Variants in SCN1B observed in about 807,000 individuals in gnomAD.
SCN1B encodes the protein sodium voltage-gated channel beta subunit 1.
SCN1B carries 11 observed loss-of-function variants against 25.7 expected under a neutral mutation model. The ratio of observed to expected loss-of-function variants is 0.43; its 90% CI spans 0.27 to 0.71. SCN1B has a LOEUF of 0.71. Ranked by LOEUF, SCN1B falls within the 30% of genes least tolerant of loss-of-function variation. The pLI, the probability that SCN1B is intolerant of heterozygous loss-of-function variation, is 0.21. For missense variants in SCN1B, 224 were observed against 291.5 expected, an observed-to-expected ratio of 0.77 and a Z score of 1.69; for synonymous variants, 119 against 117.5, an observed-to-expected ratio of 1.01 and a Z score of -0.08.
At chr19:35,038,312 G>A (rs533934764) in intron 3 of SCN1B, 1 of 152,260 alleles carries the variant, frequency 6.6e-6, no homozygotes, top group Non-Finnish European at 1.5e-5. Flanking sequence ...TCCCTTTACA[G>A]TTTAAATTTA....
At chr19:35,039,286 G>A (rs781011011) in intron 4 of SCN1B, 28 bp downstream of exon 4, 27 of 1,607,854 alleles carry the variant, frequency 1.7e-5, no homozygotes, top group Non-Finnish European at 2.3e-5. Context: ...GAGGTGGGAG[G>A]GCACCCAGGG....
rs1003784441 is a variant in SCN1B, at chr19:35,039,970, C to T, written c.*179C>T. On this transcript the variant is annotated 3_prime_UTR_variant, in exon 6 of 6. Coordinates refer to ENST00000262631, the MANE Select transcript of SCN1B (RefSeq NM_001037.5). Reference sequence around the variant, plus strand: ...TTGGCTCGCACCCCCACTTTCGCCTCCTCCAGCTCCTGCCCCGCCGGCCGC... The same window carrying T: ...TTGGCTCGCACCCCCACTTTCGCCTTCTCCAGCTCCTGCCCCGCCGGCCGC... 3 of 558,660 alleles carry T rather than the reference C, an allele frequency of 5.4e-6. No homozygotes were observed. The highest frequency in any genetic ancestry group is 6.4e-6 in the Non-Finnish European group (2 of 310,512). The allele number at this position is 558,660 out of a possible 1,614,324, so 34.6% of individuals were successfully genotyped here.
Position 35,039,792 on chromosome 19 carries a change from T to G in SCN1B, c.*6-5T>G. On this transcript the variant is annotated splice_polypyrimidine_tract_variant and splice_region_variant and intron_variant, in intron 5 of 5. Coordinates refer to ENST00000262631, the MANE Select transcript of SCN1B (RefSeq NM_001037.5). ...CCTAATTCCCCCTCTCTTGCTCCCC[T>G]TCAGGCCCTGGGCCCCGCCTCAAGG... 1 of 1,358,908 alleles carries G rather than the reference T, an allele frequency of 7.4e-7. No individual in the cohort carries two copies. Among genetic ancestry groups the G allele is most frequent in the Non-Finnish European group, 1.0e-6 (1 of 966,808 alleles). The allele number at this position is 1,358,908 out of a possible 1,614,324, so 84.2% of individuals were successfully genotyped here. A position where few individuals can be genotyped will look rare whatever the true frequency, so the allele number is the denominator to read the frequency against.
At position 35,033,591 on chromosome 19, in the gene SCN1B, C is replaced by T. The variant is rs16969927; in HGVS notation, c.300C>T (p.Asp100=). The T allele has an allele frequency of 9.1e-4, 1,473 of 1,614,086 alleles. 11 individuals carry two copies. The African/African-American group carries it at 0.018, about 19-fold the overall frequency. ...GGAATGGCAGCCGGGGCACCAAAGA[C>T]CTGCAGGATCTGTCTATCTTCATCA... ...VVWNGSRGTK[D]LQDLSIFITN... Residue 100 remains aspartate (D), a synonymous_variant, in exon 3 of 6, where the codon GAC becomes GAT. Transcript: ENST00000262631.
rs2064222632 is a variant in SCN1B, at chr19:35,032,752, G to C, written c.207+58G>C. ...CAGGGGTCCACGAGTGGGAGGCGGT[G>C]GGGCTGGATCTCAGGGAGGGGGCTT... is the stretch of plus-strand genomic sequence containing the variant. On this transcript the variant is annotated intron_variant, in intron 2 of 5. Coordinates refer to ENST00000262631, the MANE Select transcript of SCN1B (RefSeq NM_001037.5). This position sits in a 1 kb window ranked among gnomAD's most constrained non-coding sequence, Gnocchi z 4.3. 6.3e-7 allele frequency: 1 copy of C among 1,580,994 alleles called. No homozygotes were observed. Among genetic ancestry groups the C allele is most frequent in the Admixed American group, 1.7e-5 (1 of 59,934 alleles).
Position 35,032,238 on chromosome 19 carries a change from T to C in SCN1B, c.41-290T>C, listed in dbSNP as rs2064218422. On this transcript the variant is annotated intron_variant, in intron 1 of 5. Transcript: ENST00000262631. The surrounding 1 kb of genome is among the most constrained non-coding windows in gnomAD (Gnocchi z 4.3). Reference sequence around the variant, plus strand: ...CATAAAGTCTGAGTTACCGGCAACGTTGACAGTCCCACTTATGGGGCCTCC... The same window carrying C: ...CATAAAGTCTGAGTTACCGGCAACGCTGACAGTCCCACTTATGGGGCCTCC... Among the ~76,000 whole-genome samples, 1 of 152,200 alleles carries C rather than the reference T, an allele frequency of 6.6e-6. No homozygotes were observed.
At position 35,039,993 on chromosome 19, in the gene SCN1B, C is replaced by G. The variant is rs72550275; in HGVS notation, c.*202C>G. On this transcript the variant is annotated 3_prime_UTR_variant, in exon 6 of 6. Coordinates refer to ENST00000262631, the MANE Select transcript of SCN1B (RefSeq NM_001037.5). ...CTCCTCCAGCTCCTGCCCCGCCGGCCGCGCACCGCCATGCATGATGGGTAA... is the reference window on the plus strand; with the variant it reads ...CTCCTCCAGCTCCTGCCCCGCCGGCGGCGCACCGCCATGCATGATGGGTAA... 2 of 516,182 alleles carry G rather than the reference C, an allele frequency of 3.9e-6. No homozygotes were observed. Among genetic ancestry groups the G allele is most frequent in the East Asian group, 6.9e-5 (2 of 29,072 alleles). The allele number at this position is 516,182 out of a possible 1,614,324, so 32.0% of individuals were successfully genotyped here.
In SCN1B at chr19:35,039,265, A is replaced by T; in HGVS notation, c.590+7A>T. The T allele has an allele frequency of 6.2e-7, 1 of 1,612,188 alleles. No individual in the cohort carries two copies. The highest frequency in any genetic ancestry group is 2.2e-5 in the East Asian group (1 of 44,872). On this transcript the variant is annotated splice_region_variant and intron_variant, in intron 4 of 5. Transcript: ENST00000262631. ...CTGCTGCACAGGAGAATGCGTGAGT[A>T]GGGTGGCTGGGAGGTGGGAGGGCAC...
rs72558027 is a variant in SCN1B, at chr19:35,033,931, C to T, written c.448+192C>T. 53 of 1,560,090 alleles carry T rather than the reference C, an allele frequency of 3.4e-5. No homozygotes were observed. Among genetic ancestry groups the T allele is most frequent in the Middle Eastern group, 1.7e-4 (1 of 6,016 alleles). On this transcript the variant is annotated intron_variant, in intron 3 of 5. Coordinates refer to ENST00000262631, the MANE Select transcript of SCN1B (RefSeq NM_001037.5). Reference sequence around the variant, plus strand: ...CTGGCCTCTGTTTCTCTCCAGCCCACGGAGAGGTCAAAGCATGCCTGTCCC... The same window carrying T: ...CTGGCCTCTGTTTCTCTCCAGCCCATGGAGAGGTCAAAGCATGCCTGTCCC...
chr19:35,034,708 G>A (rs1186770886), intron 3 of SCN1B: 1 of 155,640 alleles, frequency 6.4e-6, no homozygotes, highest in African/African-American at 2.4e-5. Flanking sequence ...TGCCTTACAC[G>A]GAGTCCCTTA....
chr19:35,039,427 A>G, intron 4 of SCN1B, 169 bp downstream of exon 4: 1 of 1,055,958 alleles, frequency 9.5e-7, no homozygotes. Flanking sequence ...AGGGGTCGTC[A>G]GACCCAGCCC....
chr19:35,039,989 C>T lies in SCN1B; in HGVS notation c.*198C>T, dbSNP rs748563587. 7 of 502,054 alleles carry T rather than the reference C, an allele frequency of 1.4e-5. No homozygotes were observed. The highest frequency in any genetic ancestry group is 4.1e-5 in the South Asian group (2 of 48,756). 31.1% of individuals were successfully genotyped at this position (502,054 alleles called of 1,614,324 possible). A position where few individuals can be genotyped will look rare whatever the true frequency, so the allele number is the denominator to read the frequency against. ...TCGCCTCCTCCAGCTCCTGCCCCGC[C>T]GGCCGCGCACCGCCATGCATGATGG... On this transcript the variant is annotated 3_prime_UTR_variant, in exon 6 of 6. Coordinates refer to ENST00000262631, the MANE Select transcript of SCN1B (RefSeq NM_001037.5).
At position 35,039,786 on chromosome 19, in the gene SCN1B, C is replaced by G. The variant is rs28365105; in HGVS notation, c.*6-11C>G. 101,740 of 1,420,266 alleles carry G rather than the reference C, an allele frequency of 0.072. 4,338 individuals are homozygous for G. The highest frequency in any genetic ancestry group is 0.08 in the South Asian group (6,776 of 84,714). The allele number at this position is 1,420,266 out of a possible 1,614,324, so 88.0% of individuals were successfully genotyped here. A position where few individuals can be genotyped will look rare whatever the true frequency, so the allele number is the denominator to read the frequency against. ...CAGGTCCCTAATTCCCCCTCTCTTG[C>G]TCCCCTTCAGGCCCTGGGCCCCGCC... On this transcript the variant is annotated splice_polypyrimidine_tract_variant and intron_variant, in intron 5 of 5. Transcript: ENST00000262631.
At chr19:35,034,929 T>TATAATTAGC (rs2064238725) in intron 3 of SCN1B, 1 of 152,208 alleles carries the variant, frequency 6.6e-6, no homozygotes, top group Non-Finnish European at 1.5e-5. Flanking sequence ...GGTTTCTTTT[T>TATAATTAGC]ATAATTAGCA....
In SCN1B at chr19:35,033,818, G is replaced by A. The variant is rs751026540; in HGVS notation, c.448+79G>A. 1.9e-6 allele frequency: 3 copies of A among 1,613,234 alleles called. No individual in the cohort carries two copies. The South Asian group carries it at 3.3e-5, about 18-fold the overall frequency. ...AGGGACAGATGGCAGGCAGTGGACAGGACAGGCTGGCTCTGTGCCTGGCCA... is the reference window on the plus strand; with the variant it reads ...AGGGACAGATGGCAGGCAGTGGACAAGACAGGCTGGCTCTGTGCCTGGCCA... On this transcript the variant is annotated intron_variant, in intron 3 of 5. Coordinates refer to ENST00000262631, the MANE Select transcript of SCN1B (RefSeq NM_001037.5).
chr19:35,030,723 T>C lies in SCN1B; in HGVS notation c.-98T>C, dbSNP rs2064207654. ...AGCCGCAGCTGCTGCGCCCGCGCGC[T>C]CCCGGGGACATTCTAACCGCCGCCA... On this transcript the variant is annotated 5_prime_UTR_variant, in exon 1 of 6. Coordinates refer to ENST00000262631, the MANE Select transcript of SCN1B (RefSeq NM_001037.5). The C allele has an allele frequency of 9.3e-6, 3 of 323,518 alleles. No homozygotes were observed. Among genetic ancestry groups the C allele is most frequent in the Admixed American group, 4.3e-5 (1 of 23,126 alleles). The allele number at this position is 323,518 out of a possible 1,614,324, so 20.0% of individuals were successfully genotyped here.
chr19:35,039,790 C>T lies in SCN1B; in HGVS notation c.*6-7C>T. 7.4e-7 allele frequency: 1 copy of T among 1,356,164 alleles called. No individual in the cohort carries two copies. The highest frequency in any genetic ancestry group is 1.0e-6 in the Non-Finnish European group (1 of 964,168). 84.0% of individuals were successfully genotyped at this position (1,356,164 alleles called of 1,614,324 possible). ...TCCCTAATTCCCCCTCTCTTGCTCCCCTTCAGGCCCTGGGCCCCGCCTCAA... is the reference window on the plus strand; with the variant it reads ...TCCCTAATTCCCCCTCTCTTGCTCCTCTTCAGGCCCTGGGCCCCGCCTCAA... On this transcript the variant is annotated splice_polypyrimidine_tract_variant and splice_region_variant and intron_variant, in intron 5 of 5. Transcript: ENST00000262631.
chr19:35,034,138 T>C, intron 3 of SCN1B: 3 of 1,551,220 alleles, frequency 1.9e-6, no homozygotes, highest in Non-Finnish European at 2.6e-6. Flanking sequence ...ATTGAGCAGC[T>C]GCAGGCACAC....
At position 35,032,550 on chromosome 19, in the gene SCN1B, C is replaced by T. The variant is rs200339565; in HGVS notation, c.63C>T (p.Cys21=). ...AALVSSACGG[C]VEVDSETEAV... ...CAGTGTCCTCAGCCTGCGGGGGCTGCGTGGAGGTGGACTCGGAGACCGAGG... is the reference window on the plus strand; with the variant it reads ...CAGTGTCCTCAGCCTGCGGGGGCTGTGTGGAGGTGGACTCGGAGACCGAGG... Residue 21 remains cysteine, a synonymous_variant, in exon 2 of 6, where the codon TGC becomes TGT. Transcript: ENST00000262631. The surrounding 1 kb of genome is among the most constrained non-coding windows in gnomAD (Gnocchi z 4.3). 6.0e-5 allele frequency: 97 copies of T among 1,613,798 alleles called. No homozygotes were observed. The highest frequency in any genetic ancestry group is 7.5e-5 in the Non-Finnish European group (89 of 1,180,050).
Sources: gnomAD v4.1 joint callset for allele counts (sites outside exome capture counted in the v4.1 genomes callset) on GRCh38, gnomAD v4.1.1 for gene constraint, Gnocchi (gnomAD v3.1) non-coding constraint, MANE v1.5 for transcripts, NCBI Gene and HGNC (gene_info 2026-07-23, HGNC 2026-07-21) for gene names.